Variants in SLC5A11 observed in about 807,000 individuals in gnomAD.
SLC5A11 encodes the protein sodium/myo-inositol cotransporter 2.
Under a neutral mutation model 69.8 loss-of-function variants are expected in SLC5A11, and 48 were observed. The ratio of observed to expected loss-of-function variants is 0.69; its 90% CI spans 0.55 to 0.87. SLC5A11 has a LOEUF of 0.87. Ranked by LOEUF, SLC5A11 falls within the 40% of genes least tolerant of loss-of-function variation. SLC5A11 has a pLI of 0.00. For missense variants in SLC5A11, 784 were observed against 866.1 expected (o/e 0.91, Z 1.19); for synonymous variants, 319 against 342.4 (o/e 0.93, Z 0.75).
At chr16:24,889,623 C>A (rs2048641033) in intron 8 of SLC5A11, among the ~76,000 whole-genome samples, 1 of 130,090 alleles carries the variant, frequency 7.7e-6, no homozygotes, top group African/African-American at 3.1e-5. Context: ...CGCAATCTTG[C>A]CTCACTGCAA....
At chr16:24,846,593 GGA>G (rs1596883016) in intron 1 of SLC5A11, 155 bp downstream of exon 2, 1 of 152,558 alleles carries the variant, frequency 6.6e-6, no homozygotes, top group Non-Finnish European at 1.5e-5. Flanking sequence ...CCAGGACAAT[GGA>G]GTGTGTTTGT....
At chr16:24,876,752 T>TA (rs1166354883) in intron 6 of SLC5A11, among the ~76,000 whole-genome samples, 1 of 152,126 alleles carries the variant, frequency 6.6e-6, no homozygotes, top group African/African-American at 2.4e-5. Flanking sequence ...AACTTACAGT[T>TA]AGAGAAAGGG....
chr16:24,849,405 A>G (rs2059162902), intron 1 of SLC5A11, among the ~76,000 whole-genome samples: 2 of 151,062 alleles, frequency 1.3e-5, no homozygotes, highest in African/African-American at 4.9e-5. Context: ...CATCTCTACT[A>G]AAAACACAAA....
intron 3 of SLC5A11, among the ~76,000 whole-genome samples, chr16:24,866,872 A>G (rs562202449): frequency 3.7e-4 from 57 of 152,262 alleles, no homozygotes; most frequent in Non-Finnish European, 7.1e-4. Context: ...ACAGACTCCC[A>G]ATATATATGA....
At chr16:24,857,008 A>G (rs1174059499) in intron 1 of SLC5A11, among the ~76,000 whole-genome samples, 1 of 151,970 alleles carries the variant, frequency 6.6e-6, no homozygotes, top group South Asian at 2.1e-4. Context: ...TTTAGTAGAG[A>G]CGGGGTCCAC....
At chr16:24,868,669 A>G (rs969275695) in intron 3 of SLC5A11, among the ~76,000 whole-genome samples, 2 of 152,060 alleles carry the variant, frequency 1.3e-5, no homozygotes, top group Non-Finnish European at 1.5e-5. Context: ...TCAAAAGAAT[A>G]TGATACTGAC....
At chr16:24,905,621 C>G (rs965240966) in intron 10 of SLC5A11, among the ~76,000 whole-genome samples, 5 of 144,094 alleles carry the variant, frequency 3.5e-5, no homozygotes, top group Non-Finnish European at 4.5e-5. Context: ...GACCCCATCT[C>G]AAAAACACGC....
intron 10 of SLC5A11, among the ~76,000 whole-genome samples, chr16:24,902,162 GA>G (rs1313983121): frequency 1.3e-5 from 2 of 152,076 alleles, no homozygotes; most frequent in Non-Finnish European, 2.9e-5. Flanking sequence ...ATGCCAGGAG[GA>G]GGATGCACAA....
intron 8 of SLC5A11, among the ~76,000 whole-genome samples, chr16:24,888,093 A>G (rs988942759): frequency 1.3e-5 from 2 of 152,310 alleles, no homozygotes; most frequent in East Asian, 3.9e-4. Context: ...ATCTTTTTCC[A>G]GCATTCATGG....
At chr16:24,901,981 CAT>C (rs1287003896) in intron 10 of SLC5A11, among the ~76,000 whole-genome samples, 2 of 148,954 alleles carry the variant, frequency 1.3e-5, no homozygotes, top group Admixed American at 6.7e-5. Flanking sequence ...CACACACACA[CAT>C]ATATAGTAGT....
At chr16:24,883,077 G>T (rs1193712199) in intron 7 of SLC5A11, among the ~76,000 whole-genome samples, 1 of 152,170 alleles carries the variant, frequency 6.6e-6, no homozygotes, top group Non-Finnish European at 1.5e-5. Context: ...TAAAAATAAA[G>T]GTGTTGGCTG....
At chr16:24,885,107 C>A (rs1265169473) in intron 8 of SLC5A11, among the ~76,000 whole-genome samples, 1 of 152,084 alleles carries the variant, frequency 6.6e-6, no homozygotes, top group Non-Finnish European at 1.5e-5. Context: ...AAATATTCGC[C>A]CAATTCTTCG....
chr16:24,857,955 C>T (rs2059604916), intron 1 of SLC5A11, among the ~76,000 whole-genome samples: 1 of 152,172 alleles, frequency 6.6e-6, no homozygotes, highest in Non-Finnish European at 1.5e-5. Context: ...AGATTAGTGG[C>T]TCAAAGCATG....
chr16:24,870,425 CA>C (rs201617560), intron 4 of SLC5A11, among the ~76,000 whole-genome samples: 1 of 124,452 alleles, frequency 8.0e-6, no homozygotes, highest in African/African-American at 3.0e-5. Flanking sequence ...CAAAACAAAA[CA>C]AAAAAAACAA....
intron 8 of SLC5A11, among the ~76,000 whole-genome samples, chr16:24,886,279 C>T (rs756331349): frequency 2.0e-5 from 3 of 152,046 alleles, no homozygotes; most frequent in Non-Finnish European, 4.4e-5. Context: ...ATCTTCTGCC[C>T]GCCTTGGCCT....
chr16:24,894,984 G>T (rs1467994139), intron 9 of SLC5A11, among the ~76,000 whole-genome samples: 3 of 152,018 alleles, frequency 2.0e-5, no homozygotes, highest in African/African-American at 7.2e-5. Flanking sequence ...TAATAGCTGG[G>T]TGTGGTGGTG....
chr16:24,888,636 A>G (rs1393223122), intron 8 of SLC5A11, among the ~76,000 whole-genome samples: 1 of 150,906 alleles, frequency 6.6e-6, no homozygotes, highest in Non-Finnish European at 1.5e-5. Context: ...GGCTCGCGCC[A>G]CCACATCCAG....
chr16:24,877,909 G>A (rs552045778), intron 7 of SLC5A11, among the ~76,000 whole-genome samples: 2 of 152,018 alleles, frequency 1.3e-5, no homozygotes, highest in Non-Finnish European at 2.9e-5. Flanking sequence ...ACTTGAACCC[G>A]GGAGGCGGAG....
rs1567552736 is a variant in SLC5A11, at chr16:24,849,588, A to AT, written c.-25+3150_-25+3151insT. Among the ~76,000 whole-genome samples the AT allele has an allele frequency of 1.6e-3, 155 of 99,410 alleles. 1 individual carries two copies. The highest frequency in any genetic ancestry group is 2.3e-3 in the Non-Finnish European group (113 of 49,810). The allele number at this position is 99,410 out of a possible 152,430, so 65.2% of individuals were successfully genotyped here. A position where few individuals can be genotyped will look rare whatever the true frequency, so the allele number is the denominator to read the frequency against. On this transcript the variant is annotated intron_variant, in intron 1 of 15. Coordinates refer to ENST00000347898, the Ensembl canonical transcript of SLC5A11. ...CCTTGGGGGCAAAAAAAAAAAAAAA[A>AT]AAAAAATATATATATATATATATAT...
Sources: gnomAD v4.1 joint callset for allele counts (sites outside exome capture counted in the v4.1 genomes callset) on GRCh38, gnomAD v4.1.1 for gene constraint, MANE v1.5 for transcripts, NCBI Gene and HGNC (gene_info 2026-07-23, HGNC 2026-07-21) for gene names.